The following LIN7A variants were observed in gnomAD, a reference collection of about 807,000 sequenced individuals.
LIN7A encodes lin-7 cell polarity scaffold A.
A neutral mutation model predicts 29.8 loss-of-function variants in LIN7A; 25 were observed. The observed-to-expected ratio is 0.84, with a 90% CI of 0.61 to 1.17. The LOEUF (loss-of-function observed/expected upper bound fraction) is 1.17. Among genes scored for constraint, LIN7A ranks in the 50% most tolerant of loss-of-function variants. LIN7A has a pLI of 0.00. For missense variants in LIN7A, 239 were observed against 287.0 expected, an observed-to-expected ratio of 0.83 and a Z score of 1.21; for synonymous variants, 118 against 107.5, an observed-to-expected ratio of 1.10 and a Z score of -0.60.
intron 2 of LIN7A, among the ~76,000 whole-genome samples, chr12:80,869,788 A>G (rs1223827253): frequency 6.7e-6 from 1 of 148,968 alleles, no homozygotes; most frequent in Non-Finnish European, 1.5e-5. Flanking sequence ...TCTTCTTTTT[A>G]GTTTAAGAGA....
At chr12:80,837,638 C>T (rs746724266) in intron 4 of LIN7A, among the ~76,000 whole-genome samples, 6 of 152,200 alleles carry the variant, frequency 3.9e-5, no homozygotes, top group Admixed American at 1.3e-4. Flanking sequence ...TGAGATAATA[C>T]ATTTCTGTTG....
chr12:80,885,949 AG>A (rs1206651949), intron 2 of LIN7A, among the ~76,000 whole-genome samples: 4 of 152,126 alleles, frequency 2.6e-5, no homozygotes, highest in Middle Eastern at 3.2e-3. Flanking sequence ...TTTTGGCAAA[AG>A]CTTGTCCTGC....
chr12:80,820,013 A>C (rs765571994), intron 4 of LIN7A, among the ~76,000 whole-genome samples: 1 of 152,200 alleles, frequency 6.6e-6, no homozygotes, highest in African/African-American at 2.4e-5. Flanking sequence ...GTTTAAAACT[A>C]TCTAGGTGAA....
intron 1 of LIN7A, among the ~76,000 whole-genome samples, chr12:80,891,158 T>C (rs188773581): frequency 2.3e-4 from 35 of 152,248 alleles, no homozygotes; most frequent in African/African-American, 7.7e-4. Flanking sequence ...CTCATGGAAG[T>C]CTTCATCATT....
chr12:80,903,795 C>T (rs1001162347), intron 1 of LIN7A, among the ~76,000 whole-genome samples: 10 of 152,030 alleles, frequency 6.6e-5, no homozygotes, highest in Non-Finnish European at 1.3e-4. Flanking sequence ...TAGTAAGTTA[C>T]AGTCCTATCA....
At chr12:80,848,378 TTTATTG>T in intron 2 of LIN7A, 56 bp from the exon 3 acceptor site, 5 of 1,253,058 alleles carry the variant, frequency 4.0e-6, no homozygotes, top group Non-Finnish European at 3.5e-6. Flanking sequence ...TAATAATTCT[TTTATTG>T]CAGAAAGAAA....
chr12:80,807,080 T>TTTTTTTTTTTTTTG (rs1565883886), intron 5 of LIN7A, among the ~76,000 whole-genome samples: 5 of 134,686 alleles, frequency 3.7e-5, no homozygotes, highest in African/African-American at 1.1e-4. Flanking sequence ...TTTTTTTTTT[T>TTTTTTTTTTTTTTG]TTTTTTTTTT....
intron 4 of LIN7A, among the ~76,000 whole-genome samples, chr12:80,824,253 T>C (rs767806312): frequency 6.6e-5 from 10 of 152,112 alleles, no homozygotes; most frequent in Non-Finnish European, 1.2e-4. Flanking sequence ...ACACATAGAC[T>C]AGAAAACCTA....
At chr12:80,807,081 T>TTTTTTGTTTTTTG (rs1565883904) in intron 5 of LIN7A, among the ~76,000 whole-genome samples, 1 of 135,582 alleles carries the variant, frequency 7.4e-6, no homozygotes, top group African/African-American at 2.9e-5. Context: ...TTTTTTTTTT[T>TTTTTTGTTTTTTG]TTTTTTTTTT....
At chr12:80,811,893 T>G (rs1033408751) in intron 4 of LIN7A, among the ~76,000 whole-genome samples, 4 of 152,188 alleles carry the variant, frequency 2.6e-5, no homozygotes, top group Non-Finnish European at 4.4e-5. Context: ...GAATGGACTG[T>G]GTGGGGATTC....
At chr12:80,868,758 A>G (rs1053058553) in intron 2 of LIN7A, among the ~76,000 whole-genome samples, 1 of 152,196 alleles carries the variant, frequency 6.6e-6, no homozygotes, top group Non-Finnish European at 1.5e-5. Flanking sequence ...GCCCATTGCT[A>G]AGCTTTAATT....
intron 2 of LIN7A, among the ~76,000 whole-genome samples, chr12:80,866,177 G>A (rs1336692881): frequency 6.6e-6 from 1 of 152,094 alleles, no homozygotes; most frequent in Non-Finnish European, 1.5e-5. Context: ...GATGAAAGGA[G>A]TCTCTCACTT....
chr12:80,842,196 C>G (rs1341000617), intron 4 of LIN7A: 14 of 1,131,632 alleles, frequency 1.2e-5, no homozygotes, highest in Admixed American at 2.5e-5. Context: ...GATTTCCCCC[C>G]CTTTCCATCA....
rs544600662 is a variant in LIN7A, at chr12:80,931,977, G to A, written c.82+5664C>T. 3.9e-5 allele frequency among the ~76,000 whole-genome samples: 6 copies of A among 152,204 alleles called. 1 individual carries two copies. The highest frequency in any genetic ancestry group is 9.6e-5 in the African/African-American group (4 of 41,508). Reference sequence around the variant, plus strand: ...TTTCCTTCTTCCTTAATCTTTCTCCGTGTCAAATTAAAACAAACAAACAAA... The same window carrying A: ...TTTCCTTCTTCCTTAATCTTTCTCCATGTCAAATTAAAACAAACAAACAAA... On this transcript the variant is annotated intron_variant, in intron 1 of 5. Transcript: ENST00000552864.
intron 2 of LIN7A, among the ~76,000 whole-genome samples, chr12:80,880,915 T>C (rs1874996300): frequency 6.6e-6 from 1 of 152,188 alleles, no homozygotes; most frequent in Non-Finnish European, 1.5e-5. Flanking sequence ...TATAACTGGC[T>C]TTGAAATATT....
chr12:80,862,141 C>A (rs192681862), intron 2 of LIN7A, among the ~76,000 whole-genome samples: 1 of 152,270 alleles, frequency 6.6e-6, no homozygotes, highest in East Asian at 1.9e-4. Context: ...TCAACTATCA[C>A]CAAGTCCTTC....
chr12:80,915,152 C>CAAAAAAAAAAAAAAAAAAAAA (rs3073421), intron 1 of LIN7A, among the ~76,000 whole-genome samples: 1 of 104,974 alleles, frequency 9.5e-6, no homozygotes, highest in Non-Finnish European at 2.3e-5. Flanking sequence ...AATCAACAAG[C>CAAAAAAAAAAAAAAAAAAAAA]AAAAAAAAAA....
chr12:80,902,217 G>GTT (rs11410643), intron 1 of LIN7A, among the ~76,000 whole-genome samples: 3,894 of 125,578 alleles, frequency 0.031, 207 homozygotes, highest in African/African-American at 0.095. Context: ...TGGTCTATGT[G>GTT]TTTTTTTTTT....
rs1037473141 is a variant in LIN7A, at chr12:80,796,878, G to C, written c.*849C>G. The C allele has an allele frequency of 6.6e-6, 1 of 152,060 alleles. No homozygotes were observed. The highest frequency in any genetic ancestry group is 1.5e-5 in the Non-Finnish European group (1 of 68,002). 9.4% of individuals were successfully genotyped at this position (152,060 alleles called of 1,614,324 possible). On this transcript the variant is annotated 3_prime_UTR_variant, in exon 6 of 6. Coordinates refer to ENST00000552864, the MANE Select transcript of LIN7A (RefSeq NM_004664.4). ...TAACATACGAGAATCTGTTCACAGG[G>C]CTAGGTCCTTTGCTAGTATTCTCTT...
Sources: allele counts gnomAD v4.1 joint callset (sites outside exome capture counted in the v4.1 genomes callset), GRCh38; gene constraint gnomAD v4.1.1; transcripts MANE v1.5; gene names NCBI Gene and HGNC (gene_info 2026-07-23, HGNC 2026-07-21).